Variants in CD163L1 observed in about 807,000 individuals in gnomAD.
CD163L1 encodes the protein CD163 molecule like 1.
A neutral mutation model predicts 165.4 loss-of-function variants in CD163L1; 124 were observed. The ratio of observed to expected loss-of-function variants is 0.75; its 90% CI spans 0.65 to 0.87. The LOEUF (loss-of-function observed/expected upper bound fraction) is 0.87. Ranked by LOEUF, CD163L1 falls within the 40% of genes least tolerant of loss-of-function variation. The pLI is 0.00. For missense variants in CD163L1, 1,525 were observed against 1,799.9 expected (o/e 0.85, Z 2.76); for synonymous variants, 585 against 662.2 (o/e 0.88, Z 1.79).
At chr12:7,394,909 A>C (rs962694990) in intron 8 of CD163L1, among the ~76,000 whole-genome samples, 2 of 152,150 alleles carry the variant, frequency 1.3e-5, no homozygotes, top group Non-Finnish European at 2.9e-5. Context: ...ATCTCACGCC[A>C]GTTAGAATGG....
At chr12:7,332,627 T>G in the CD163L1 span, among the ~76,000 whole-genome samples, 1 of 152,192 alleles carries the variant, frequency 6.6e-6, no homozygotes, top group Non-Finnish European at 1.5e-5. Context: ...GGGGCCAATA[T>G]TCAACATTCT....
Position 7,434,950 on chromosome 12 carries a change from T to C in CD163L1, c.125-1256A>G, listed in dbSNP as rs754117996. On this transcript the variant is annotated intron_variant, in intron 2 of 19. Transcript: ENST00000313599. ...CCTTATATTTCTCTTTCTCAGTTCCTAGTGCTGCTACTGTTTCCTATTTCT... is the reference window on the plus strand; with the variant it reads ...CCTTATATTTCTCTTTCTCAGTTCCCAGTGCTGCTACTGTTTCCTATTTCT... Among the ~76,000 whole-genome samples the C allele has an allele frequency of 6.6e-5, 10 of 152,318 alleles. No homozygotes were observed. In the South Asian group the frequency reaches 1.2e-3, roughly 19 times the overall value.
intron 4 of CD163L1, among the ~76,000 whole-genome samples, chr12:7,408,144 GTCTC>G (rs1018649109): frequency 1.3e-5 from 2 of 151,370 alleles, no homozygotes; most frequent in African/African-American, 2.4e-5. Context: ...TTGTCTGTCT[GTCTC>G]TCTCTCTCCA....
downstream of CD163L1, among the ~76,000 whole-genome samples, chr12:7,352,180 G>A (rs954814566): frequency 2.6e-5 from 4 of 151,910 alleles, no homozygotes; most frequent in Non-Finnish European, 2.9e-5. Flanking sequence ...TCTCCCTAAA[G>A]GAACTATAAA....
At chr12:7,435,349 A>G (rs1285087044) in intron 2 of CD163L1, among the ~76,000 whole-genome samples, 1 of 151,738 alleles carries the variant, frequency 6.6e-6, no homozygotes, top group Non-Finnish European at 1.5e-5. Context: ...ATGACTATGG[A>G]CTAGTATCTA....
intron 8 of CD163L1, among the ~76,000 whole-genome samples, chr12:7,386,576 T>C (rs1393312327): frequency 9.7e-6 from 1 of 102,894 alleles, no homozygotes; most frequent in Non-Finnish European, 1.9e-5. Flanking sequence ...CTCAACAAAA[T>C]ACCAGCAAGC....
intron 4 of CD163L1, among the ~76,000 whole-genome samples, chr12:7,421,220 TATATATATGTATATATACATTTGGAAG>T (rs1948373835): frequency 7.4e-6 from 1 of 134,418 alleles, no homozygotes; most frequent in South Asian, 2.2e-4. Context: ...TATATATGTG[TATATATATGTATATATACATTTGGAAG>T]ATATATATGT....
chr12:7,379,552 A>C (rs912641658), intron 8 of CD163L1, among the ~76,000 whole-genome samples: 2 of 152,240 alleles, frequency 1.3e-5, no homozygotes, highest in African/African-American at 4.8e-5. Context: ...CTTACAAAGC[A>C]AGGATATAGT....
chr12:7,438,697 G>C (rs1948772347), intron 2 of CD163L1: 1 of 756,246 alleles, frequency 1.3e-6, no homozygotes, highest in African/African-American at 1.8e-5. Context: ...CTTTCTCATA[G>C]CTTGACTGTT....
chr12:7,408,571 C>A (rs1948075173), intron 4 of CD163L1, among the ~76,000 whole-genome samples: 1 of 151,986 alleles, frequency 6.6e-6, no homozygotes, highest in Non-Finnish European at 1.5e-5. Flanking sequence ...ATTTGGATAT[C>A]CATCACCTCA....
intron 8 of CD163L1, among the ~76,000 whole-genome samples, chr12:7,389,406 G>C (rs185459822): frequency 1.3e-3 from 194 of 152,172 alleles, no homozygotes; most frequent in African/African-American, 4.2e-3. Flanking sequence ...AAACAAGCCA[G>C]GTACAGGAAG....
In CD163L1 at chr12:7,368,509, TTGAGC is replaced by T. The variant is rs917071248; in HGVS notation, c.4073-317_4073-313del. On this transcript the variant is annotated intron_variant, in intron 16 of 19. Transcript: ENST00000313599. This position sits in a 1 kb window ranked among gnomAD's most constrained non-coding sequence, Gnocchi z 4.3. ...CACCAGAATCAGAAAATACTAGGGC[TTGAGC>T]TGAGCTGTTTCTTTCTTTTTTTTTT... 2.0e-5 allele frequency among the ~76,000 whole-genome samples: 3 copies of T among 151,782 alleles called. No homozygotes were observed. Among genetic ancestry groups the T allele is most frequent in the African/African-American group, 7.3e-5 (3 of 41,310 alleles).
intron 4 of CD163L1, among the ~76,000 whole-genome samples, chr12:7,422,800 C>G (rs949387354): frequency 6.7e-6 from 1 of 149,664 alleles, no homozygotes; most frequent in African/African-American, 2.5e-5. Context: ...CACAGGTGCA[C>G]CCAATACAGG....
At chr12:7,381,076 T>G (rs1261309491) in intron 8 of CD163L1, among the ~76,000 whole-genome samples, 2 of 152,162 alleles carry the variant, frequency 1.3e-5, no homozygotes, top group Non-Finnish European at 2.9e-5. Context: ...CAGCTTCTTT[T>G]CTATTGTTTT....
At chr12:7,377,552 T>C (rs1321164781) in intron 9 of CD163L1, among the ~76,000 whole-genome samples, 1 of 152,210 alleles carries the variant, frequency 6.6e-6, no homozygotes, top group African/African-American at 2.4e-5. Context: ...TATCCCAACA[T>C]CTTTACCTCC....
intron 8 of CD163L1, among the ~76,000 whole-genome samples, chr12:7,390,708 T>A (rs1338602773): frequency 2.6e-5 from 4 of 152,214 alleles, no homozygotes; most frequent in Admixed American, 6.5e-5. Context: ...AATGATTCTT[T>A]AAAATATAAT....
intron 4 of CD163L1, among the ~76,000 whole-genome samples, chr12:7,427,430 C>A (rs1236158775): frequency 6.6e-6 from 1 of 151,978 alleles, no homozygotes; most frequent in Non-Finnish European, 1.5e-5. Context: ...CTCAAAAGAC[C>A]TACAGGTACT....
chr12:7,339,417 T>C, the CD163L1 span, among the ~76,000 whole-genome samples: 1 of 152,122 alleles, frequency 6.6e-6, no homozygotes, highest in African/African-American at 2.4e-5. Flanking sequence ...GCAGGTATTC[T>C]CTGCATAACA....
At chr12:7,370,138 A>C (rs1336930006) in intron 14 of CD163L1, among the ~76,000 whole-genome samples, 2 of 152,156 alleles carry the variant, frequency 1.3e-5, no homozygotes, top group Non-Finnish European at 2.9e-5. Flanking sequence ...GTAAGTATGT[A>C]TACTAAGATC....
Sources: gnomAD v4.1 joint callset for allele counts (sites outside exome capture counted in the v4.1 genomes callset) on GRCh38, gnomAD v4.1.1 for gene constraint, Gnocchi (gnomAD v3.1) non-coding constraint, MANE v1.5 for transcripts, NCBI Gene and HGNC (gene_info 2026-07-23, HGNC 2026-07-21) for gene names.